KCNAB1: variants seen among roughly 807,000 people sequenced by gnomAD.
KCNAB1 encodes potassium voltage-gated channel subfamily A regulatory beta subunit 1, also known as voltage-gated potassium channel subunit beta-1.
A neutral mutation model predicts 64.6 loss-of-function variants in KCNAB1; 35 were observed. The observed-to-expected ratio is 0.54, with a 90% confidence interval of 0.41 to 0.72. KCNAB1 has a LOEUF of 0.72. KCNAB1 is among the 30% of genes least tolerant of loss of function. The probability of loss-of-function intolerance (pLI) is 0.00; values close to 1 mark genes in which losing one functional copy is unlikely to be tolerated. For synonymous variants in KCNAB1, 177 were observed against 183.8 expected (o/e 0.96, Z 0.30); for missense variants, 401 against 512.9 (o/e 0.78, Z 2.11).
At chr3:156,191,714 T>C (rs1040982610) in intron 1 of KCNAB1, among the ~76,000 whole-genome samples, 13 of 152,224 alleles carry the variant, frequency 8.5e-5, no homozygotes, top group African/African-American at 3.1e-4. Context: ...CCCATTGATA[T>C]AATGCTAAAT....
intron 1 of KCNAB1, among the ~76,000 whole-genome samples, chr3:156,220,549 A>G (rs1412180087): frequency 6.6e-6 from 1 of 152,112 alleles, no homozygotes; most frequent in African/African-American, 2.4e-5. Context: ...TCCTTTGCCC[A>G]CTTTTTGATG....
chr3:156,221,786 CAA>C (rs1353557370), intron 1 of KCNAB1, among the ~76,000 whole-genome samples: 15 of 147,870 alleles, frequency 1.0e-4, no homozygotes, highest in African/African-American at 2.5e-4. Flanking sequence ...CCCCCCCCGC[CAA>C]AAAAAAAGTT....
intron 8 of KCNAB1, among the ~76,000 whole-genome samples, chr3:156,502,346 A>G (rs547548143): frequency 6.6e-6 from 1 of 152,270 alleles, no homozygotes; most frequent in South Asian, 2.1e-4. Context: ...ATGTAATATA[A>G]TATTAGTCCC....
At chr3:156,467,866 G>A (rs557320620) in intron 7 of KCNAB1, among the ~76,000 whole-genome samples, 10 of 152,180 alleles carry the variant, frequency 6.6e-5, no homozygotes, top group African/African-American at 2.4e-4. Flanking sequence ...CCTGTTAGAT[G>A]AGCTGGTCTT....
chr3:156,419,357 C>G (rs183150079), intron 1 of KCNAB1, among the ~76,000 whole-genome samples: 1 of 151,850 alleles, frequency 6.6e-6, no homozygotes, highest in African/African-American at 2.4e-5. Context: ...AAAAATTAGC[C>G]AGGCGTGGTG....
At chr3:156,224,012 T>C (rs963039643) in intron 1 of KCNAB1, among the ~76,000 whole-genome samples, 2 of 152,276 alleles carry the variant, frequency 1.3e-5, no homozygotes, top group African/African-American at 2.4e-5. Context: ...CTGCAGTTGG[T>C]TGGGGGGGAT....
intron 3 of KCNAB1, 193 bp downstream of exon 3, chr3:156,453,129 G>C: frequency 2.2e-6 from 1 of 446,220 alleles, no homozygotes; most frequent in Non-Finnish European, 4.0e-6. Context: ...ACTATTAATA[G>C]CCCTTGAAGC....
intron 1 of KCNAB1, among the ~76,000 whole-genome samples, chr3:156,259,489 C>A (rs1718302810): frequency 6.6e-6 from 1 of 152,176 alleles, no homozygotes; most frequent in Non-Finnish European, 1.5e-5. Flanking sequence ...GGACTGTCCT[C>A]ATGTTGTCTA....
intron 8 of KCNAB1, among the ~76,000 whole-genome samples, chr3:156,501,307 A>T (rs896844959): frequency 6.6e-6 from 1 of 151,870 alleles, no homozygotes; most frequent in Non-Finnish European, 1.5e-5. Context: ...ATTTTAAAAG[A>T]TGTGCAAGGA....
At chr3:156,148,279 G>T (rs1715175783) in intron 1 of KCNAB1, among the ~76,000 whole-genome samples, 1 of 152,004 alleles carries the variant, frequency 6.6e-6, no homozygotes, top group Non-Finnish European at 1.5e-5. Flanking sequence ...TTAGTTATTT[G>T]TGTGTGTGTG....
At chr3:156,380,258 T>G (rs1235404783) in intron 1 of KCNAB1, among the ~76,000 whole-genome samples, 1 of 152,214 alleles carries the variant, frequency 6.6e-6, no homozygotes. Context: ...AGCTTTGTCT[T>G]CTTAGTTGGT....
chr3:156,276,838 G>A (rs1314583703), intron 1 of KCNAB1, among the ~76,000 whole-genome samples: 1 of 151,952 alleles, frequency 6.6e-6, no homozygotes, highest in East Asian at 1.9e-4. Context: ...AAACTTTTTC[G>A]CTATCAGCAA....
chr3:156,251,515 G>A lies in KCNAB1; in HGVS notation c.275+130629G>A, dbSNP rs116729587. Among the ~76,000 whole-genome samples the A allele has an allele frequency of 7.0e-3, 1,066 of 152,176 alleles. 10 individuals are homozygous for A. The highest frequency in any genetic ancestry group is 0.016 in the South Asian group (79 of 4,810). ...TATATTATATGGCCAGCAGACACACGGAAACATATTTACCCCTGGAGAGAG... is the reference window on the plus strand; with the variant it reads ...TATATTATATGGCCAGCAGACACACAGAAACATATTTACCCCTGGAGAGAG... On this transcript the variant is annotated intron_variant, in intron 1 of 13. Coordinates refer to ENST00000490337, the MANE Select transcript of KCNAB1 (RefSeq NM_172160.3).
chr3:156,528,174 C>CAAAAAAAAA (rs3085733), intron 12 of KCNAB1, among the ~76,000 whole-genome samples: 1 of 140,676 alleles, frequency 7.1e-6, no homozygotes. Flanking sequence ...ATAATGCAGT[C>CAAAAAAAAA]AAAAAAAAAA....
At chr3:156,297,543 C>T (rs777092976) in intron 1 of KCNAB1, among the ~76,000 whole-genome samples, 12 of 152,066 alleles carry the variant, frequency 7.9e-5, no homozygotes, top group African/African-American at 7.2e-5. Flanking sequence ...TTCCATGGCA[C>T]TCTCTACTTT....
intron 1 of KCNAB1, chr3:156,175,939 C>T: frequency 1.0e-6 from 1 of 960,460 alleles, no homozygotes; most frequent in Non-Finnish European, 1.7e-6. Flanking sequence ...ATTGATGGAG[C>T]CAGCATGGCC....
intron 2 of KCNAB1, among the ~76,000 whole-genome samples, chr3:156,430,388 G>A (rs969136575): frequency 1.3e-5 from 2 of 152,188 alleles, no homozygotes; most frequent in Admixed American, 6.5e-5. Flanking sequence ...GCCACAAAGG[G>A]ATAAGTAGCC....
intron 1 of KCNAB1, among the ~76,000 whole-genome samples, chr3:156,415,827 C>G (rs773865048): frequency 2.6e-5 from 4 of 152,126 alleles, no homozygotes; most frequent in Non-Finnish European, 5.9e-5. Context: ...TGCCTGTTAC[C>G]CTGGACACTC....
chr3:156,454,898 G>T (rs1277362791), intron 3 of KCNAB1, among the ~76,000 whole-genome samples: 1 of 152,070 alleles, frequency 6.6e-6, no homozygotes, highest in African/African-American at 2.4e-5. Flanking sequence ...AGCCAAGCTT[G>T]CCCGGGTCGT....
Sources: allele counts gnomAD v4.1 joint callset (sites outside exome capture counted in the v4.1 genomes callset), GRCh38; gene constraint gnomAD v4.1.1; transcripts MANE v1.5; gene names NCBI Gene and HGNC (gene_info 2026-07-23, HGNC 2026-07-21).